TYK2: variants seen among roughly 807,000 people sequenced by gnomAD.
The protein encoded by TYK2 is non-receptor tyrosine-protein kinase TYK2.
Under a neutral mutation model 130.9 loss-of-function variants are expected in TYK2, and 65 were observed. That is an observed-to-expected ratio of 0.50 (90% CI 0.41 to 0.61). The LOEUF (loss-of-function observed/expected upper bound fraction) is 0.61, where lower values mean the gene tolerates loss of function less well. Ranked by LOEUF, TYK2 falls within the 20% of genes least tolerant of loss-of-function variation. The pLI is 0.00. For missense variants in TYK2, 1,378 were observed against 1,610.7 expected (o/e 0.86, Z 2.47); for synonymous variants, 647 against 658.9 (o/e 0.98, Z 0.28).
At position 10,353,442 on chromosome 19, in the gene TYK2, G is replaced by A. The variant is rs1788671412; in HGVS notation, c.3027+86C>T. On this transcript the variant is annotated intron_variant, in intron 21 of 24. Transcript: ENST00000525621. This position sits in a 1 kb window ranked among gnomAD's most constrained non-coding sequence, Gnocchi z 6.9. ...GGGCAAACGAGCAGGGGCGGAGCGT[G>A]AGAGCAGACTGCACCGGATCGCTCA... 2 of 951,632 alleles carry A rather than the reference G, an allele frequency of 2.1e-6. No homozygotes were observed. The highest frequency in any genetic ancestry group is 1.7e-5 in the African/African-American group (1 of 59,846). 58.9% of individuals were successfully genotyped at this position (951,632 alleles called of 1,614,324 possible).
Position 10,358,154 on chromosome 19 carries a change from GA to G in TYK2, c.2176-17del. 1 of 1,597,330 alleles carries G rather than the reference GA, an allele frequency of 6.3e-7. No homozygotes were observed. Among genetic ancestry groups the G allele is most frequent in the East Asian group, 2.3e-5 (1 of 44,290 alleles). ...TCTTGTTCTCCTGAGGTGGGCAGGA[GA>G]GGGGGTGTGGCCACTCAGGAGAGGC... is the stretch of plus-strand genomic sequence containing the variant. On this transcript the variant is annotated splice_polypyrimidine_tract_variant and intron_variant, in intron 15 of 24. Coordinates refer to ENST00000525621, the MANE Select transcript of TYK2 (RefSeq NM_003331.5).
rs375731934 is a variant in TYK2 at position 10,351,069 on chromosome 19, C to A, written c.3412G>T (p.Asp1138Tyr). The change falls in exon 24 of 25, where the codon GAC (aspartate) becomes TAC (tyrosine). Residue 1138 changes from aspartate to tyrosine, a missense_variant. Asp to Tyr is a radical substitution (Grantham distance 160). Transcript: ENST00000525621. Reference protein sequence around the residue: ...LERGERLPRPDKCPCEVYHLM... With the variant: ...LERGERLPRPYKCPCEVYHLM... Reference sequence around the variant, plus strand: ...AGTCTCACCTCACAGGGACATTTGTCGGGCCGTGGCAGCCTCTCCCCTCGT... The same window carrying A: ...AGTCTCACCTCACAGGGACATTTGTAGGGCCGTGGCAGCCTCTCCCCTCGT... 6.2e-7 allele frequency: 1 copy of A among 1,614,130 alleles called. No homozygotes were observed. Among genetic ancestry groups the A allele is most frequent in the Non-Finnish European group, 8.5e-7 (1 of 1,180,028 alleles).
rs529855217 is a variant in TYK2, at chr19:10,350,911, C to T, written c.3487G>A (p.Glu1163Lys). The change falls in exon 25 of 25, where the codon GAG becomes AAG. Residue 1163 changes from glutamate (E) to lysine (K), a missense_variant. Transcript: ENST00000525621. ...ETEASFRPTF[E>K]NLIPILKTVH... ...GTCTTCAGAATGGGTATGAGGTTCT[C>T]GAAGGTTGGGCGAAAGGACGCCTCT... 46 of 1,614,124 alleles carry T rather than the reference C, an allele frequency of 2.8e-5. No individual in the cohort carries two copies. Among genetic ancestry groups the T allele is most frequent in the South Asian group, 1.6e-4 (15 of 91,072 alleles).
At position 10,368,326 on chromosome 19, in the gene TYK2, C is replaced by T; in HGVS notation, c.286G>A (p.Asp96Asn). ...CGGAAATATAGCATCAGGCTTGCAT[C>T]TCTGGGGATCTCTAGGATGTGGTTT... ...PPNHILEIPR[D>N]ASLMLYFRIR... The change falls in exon 4 of 25, where the codon GAT becomes AAT. Residue 96 changes from aspartate (D) to asparagine (N), a missense_variant. Transcript: ENST00000525621. The T allele has an allele frequency of 6.2e-7, 1 of 1,614,176 alleles. No homozygotes were observed. Among genetic ancestry groups the T allele is most frequent in the East Asian group, 2.2e-5 (1 of 44,886 alleles).
chr19:10,353,122 A>C lies in TYK2; in HGVS notation c.3028-24T>G, dbSNP rs757200143. On this transcript the variant is annotated intron_variant, in intron 21 of 24. Transcript: ENST00000525621. The surrounding 1 kb of genome is among the most constrained non-coding windows in gnomAD (Gnocchi z 6.9). ...CCCTGGGGACGGGGCAGGGCTCGTGAGTTTCAGTGGGGCGGGGTTCGGCCG... is the reference window on the plus strand; with the variant it reads ...CCCTGGGGACGGGGCAGGGCTCGTGCGTTTCAGTGGGGCGGGGTTCGGCCG... 2.0e-6 allele frequency: 3 copies of C among 1,465,916 alleles called. No individual in the cohort carries two copies. In the African/African-American group the frequency reaches 4.3e-5, roughly 21 times the overall value. 90.8% of individuals were successfully genotyped at this position (1,465,916 alleles called of 1,614,324 possible). A position where few individuals can be genotyped will look rare whatever the true frequency, so the allele number is the denominator to read the frequency against.
Position 10,366,414 on chromosome 19 carries a change from C to T in TYK2, c.629+3G>A, listed in dbSNP as rs1568338891. 1 of 1,612,990 alleles carries T rather than the reference C, an allele frequency of 6.2e-7. No homozygotes were observed. The highest frequency in any genetic ancestry group is 8.5e-7 in the Non-Finnish European group (1 of 1,179,130). On this transcript the variant is annotated splice_donor_region_variant and intron_variant, in intron 6 of 24. Coordinates refer to ENST00000525621, the MANE Select transcript of TYK2 (RefSeq NM_003331.5). ...ACAGCGTCCCCACCCCATTCCCAGACACCTGGTCTTCTTGGCCACCTCCTC... is the reference window on the plus strand; with the variant it reads ...ACAGCGTCCCCACCCCATTCCCAGATACCTGGTCTTCTTGGCCACCTCCTC...
In TYK2 at chr19:10,354,201, C is replaced by T; in HGVS notation, c.2749G>A (p.Asp917Asn). The change falls in exon 20 of 25, where the codon GAT (aspartate) becomes AAT (asparagine). Residue 917 changes from aspartate to asparagine, a missense_variant. Asp to Asn is a conservative substitution (Grantham distance 23). Transcript: ENST00000525621. ...HFGKVSLYCY[D>N]PTNDGTGEMV... ...TCGCCAGTGCCGTCGTTGGTCGGAT[C>T]GTAGCAGTACAAGCTGACCTTGCCG... 1.2e-6 allele frequency: 2 copies of T among 1,613,470 alleles called. No individual in the cohort carries two copies. Among genetic ancestry groups the T allele is most frequent in the Non-Finnish European group, 1.7e-6 (2 of 1,180,026 alleles).
chr19:10,351,025 G>T, intron 24 of TYK2, 27 bp downstream of exon 24: 13 of 1,614,166 alleles, frequency 8.1e-6, no homozygotes, highest in South Asian at 1.1e-5. Flanking sequence ...GGATAGTGGG[G>T]TCAGGGAAAG....
intron 3 of TYK2, among the ~76,000 whole-genome samples, chr19:10,371,408 AG>A (rs1355615177): frequency 4.6e-5 from 7 of 152,058 alleles, no homozygotes; most frequent in Admixed American, 2.0e-4. Flanking sequence ...TGGGAGGCTG[AG>A]GGAGGCGGAT....
chr19:10,354,013 G>C (rs770148552), intron 20 of TYK2, 29 bp downstream of exon 20: 5 of 1,611,808 alleles, frequency 3.1e-6, no homozygotes, highest in Middle Eastern at 1.7e-4. Context: ...GCCCCCTCAA[G>C]TCTCTAGGAC....
chr19:10,352,529 C>T lies in TYK2; in HGVS notation c.3223G>A (p.Glu1075Lys). Residue 1075 changes from glutamate to lysine, a missense_variant, in exon 23 of 25, where the codon GAG (glutamate) becomes AAG (lysine). Physicochemically the swap from Glu to Lys is moderately conservative, Grantham distance 56. Transcript: ENST00000525621. ...TCTGACGCATAGTAGAACTTATACTCCTTCAGGCACTCTGGGGCATACCTA... is the reference window on the plus strand; with the variant it reads ...TCTGACGCATAGTAGAACTTATACTTCTTCAGGCACTCTGGGGCATACCTA... ...VFWYAPECLK[E>K]YKFYYASDVW... is the part of the protein sequence containing the mutation. 2 of 1,573,106 alleles carry T rather than the reference C, an allele frequency of 1.3e-6. No homozygotes were observed. The highest frequency in any genetic ancestry group is 8.7e-7 in the Non-Finnish European group (1 of 1,155,662).
chr19:10,352,572 A>T, intron 22 of TYK2, 21 bp from the exon 23 acceptor site: 1 of 1,148,586 alleles, frequency 8.7e-7, no homozygotes, highest in Non-Finnish European at 1.3e-6. Flanking sequence ...GGGGGCACTC[A>T]GGCCACGGGG....
Position 10,350,725 on chromosome 19 carries a change from G to A in TYK2, c.*109C>T. 7.4e-7 allele frequency: 1 copy of A among 1,347,960 alleles called. No homozygotes were observed. The allele number at this position is 1,347,960 out of a possible 1,614,324, so 83.5% of individuals were successfully genotyped here. A position where few individuals can be genotyped will look rare whatever the true frequency, so the allele number is the denominator to read the frequency against. ...TAGACAGGAGTAAGGCACACGGTGT[G>A]GGTGAGGCTGACATCCCCCTCTTGG... On this transcript the variant is annotated 3_prime_UTR_variant, in exon 25 of 25. Coordinates refer to ENST00000525621, the MANE Select transcript of TYK2 (RefSeq NM_003331.5).
chr19:10,362,814 C>T (rs909912426), intron 9 of TYK2, among the ~76,000 whole-genome samples, 157 bp from the exon 10 acceptor site: 3 of 152,232 alleles, frequency 2.0e-5, no homozygotes, highest in African/African-American at 7.2e-5. Context: ...TCTGGACACA[C>T]AGCCACTTAC....
At chr19:10,363,662 A>C (rs2041516570) in intron 9 of TYK2, among the ~76,000 whole-genome samples, 1 of 152,172 alleles carries the variant, frequency 6.6e-6, no homozygotes, top group African/African-American at 2.4e-5. Flanking sequence ...AGACACAACT[A>C]ATCACCCAAT....
intron 3 of TYK2, among the ~76,000 whole-genome samples, chr19:10,372,690 G>T (rs931964385): frequency 2.0e-5 from 3 of 149,156 alleles, no homozygotes; most frequent in Non-Finnish European, 4.5e-5. Context: ...GGGGTTTCGC[G>T]ATGTTGCCCA....
chr19:10,358,051 T>G lies in TYK2; in HGVS notation c.2263A>C (p.Ile755Leu). 1 of 1,613,408 alleles carries G rather than the reference T, an allele frequency of 6.2e-7. No homozygotes were observed. The highest frequency in any genetic ancestry group is 8.5e-7 in the Non-Finnish European group (1 of 1,179,958). The stretch of plus-strand genomic sequence containing the variant: ...CCCACGCCAGGATCACTCAGCTTGA[T>G]GAAGGGGCTGGTGCCCTCTGCCAAC... ...LGLAEGTSPFIKLSDPGVGLG... is the reference protein window; with the variant it reads ...LGLAEGTSPFLKLSDPGVGLG... Residue 755 changes from isoleucine to leucine, a missense_variant, in exon 16 of 25, where the codon ATC becomes CTC. Physicochemically the swap from Ile to Leu is conservative, Grantham distance 5. Coordinates refer to ENST00000525621, the MANE Select transcript of TYK2 (RefSeq NM_003331.5).
At chr19:10,365,495 GC>G (rs765375496) in intron 7 of TYK2, 21 bp downstream of exon 7, 1 of 1,613,092 alleles carries the variant, frequency 6.2e-7, no homozygotes, top group African/African-American at 1.3e-5. Flanking sequence ...AACCCCCAGG[GC>G]GGAAGGGGCG....
intron 5 of TYK2, among the ~76,000 whole-genome samples, chr19:10,367,659 G>A (rs1413173100): frequency 1.3e-5 from 2 of 151,094 alleles, no homozygotes; most frequent in Admixed American, 6.6e-5. Context: ...GGTGGCTCAC[G>A]CCTGTAATCC....
Sources: allele counts gnomAD v4.1 joint callset (sites outside exome capture counted in the v4.1 genomes callset), GRCh38; gene constraint gnomAD v4.1.1; non-coding constraint Gnocchi (gnomAD v3.1); transcripts MANE v1.5; gene names NCBI Gene and HGNC (gene_info 2026-07-23, HGNC 2026-07-21).